CNTNAP2: variants seen among roughly 807,000 people sequenced by gnomAD.
CNTNAP2 encodes contactin associated protein 2, also known as contactin-associated protein-like 2.
In CNTNAP2, 98 loss-of-function variants were observed where a neutral mutation model predicts 155.2. The observed-to-expected ratio is 0.63, with a 90% CI of 0.54 to 0.75. The LOEUF (loss-of-function observed/expected upper bound fraction) is 0.75. CNTNAP2 is among the 30% of genes least tolerant of loss of function. CNTNAP2 has a pLI of 0.00. For missense variants in CNTNAP2, 1,727 were observed against 1,688.1 expected, an observed-to-expected ratio of 1.02 and a Z score of -0.40; for synonymous variants, 651 against 631.2, an observed-to-expected ratio of 1.03 and a Z score of -0.47.
chr7:148,002,643 G>GA (rs886705870), intron 15 of CNTNAP2, among the ~76,000 whole-genome samples: 1 of 152,064 alleles, frequency 6.6e-6, no homozygotes, highest in African/African-American at 2.4e-5. Flanking sequence ...TTTTTTGGAG[G>GA]AAAAAATAAT....
chr7:146,602,224 T>C (rs1343388131), intron 1 of CNTNAP2, among the ~76,000 whole-genome samples: 1 of 152,140 alleles, frequency 6.6e-6, no homozygotes, highest in East Asian at 1.9e-4. Flanking sequence ...GAGGGAAATG[T>C]GGCTATGATC....
intron 17 of CNTNAP2, among the ~76,000 whole-genome samples, chr7:148,166,903 T>C (rs754162360): frequency 2.1e-4 from 32 of 152,050 alleles, no homozygotes; most frequent in Admixed American, 6.5e-4. Flanking sequence ...TTTCACTGAT[T>C]CTAGTGCATT....
At chr7:146,737,952 G>A (rs1202074721) in intron 1 of CNTNAP2, among the ~76,000 whole-genome samples, 1 of 152,000 alleles carries the variant, frequency 6.6e-6, no homozygotes, top group Non-Finnish European at 1.5e-5. Flanking sequence ...CAATATCTTA[G>A]CTATTGTGAA....
chr7:147,348,785 A>G (rs1180427403), intron 9 of CNTNAP2, among the ~76,000 whole-genome samples: 1 of 152,048 alleles, frequency 6.6e-6, no homozygotes, highest in African/African-American at 2.4e-5. Flanking sequence ...AATGCGGTAT[A>G]TATACACAAT....
At chr7:146,173,847 A>C (rs1798429872) in intron 1 of CNTNAP2, among the ~76,000 whole-genome samples, 1 of 152,176 alleles carries the variant, frequency 6.6e-6, no homozygotes, top group Non-Finnish European at 1.5e-5. Context: ...ATGTGGATAA[A>C]AGTGTGCTCA....
At chr7:146,721,889 A>ATATATTTTTTTTTTTTTTTT in intron 1 of CNTNAP2, among the ~76,000 whole-genome samples, 1 of 69,738 alleles carries the variant, frequency 1.4e-5, no homozygotes, top group African/African-American at 1.9e-4. Flanking sequence ...ATATATATAT[A>ATATATTTTTTTTTTTTTTTT]TTTTTTTTTT....
chr7:147,973,365 T>G (rs1021205052), intron 14 of CNTNAP2, among the ~76,000 whole-genome samples: 1 of 152,092 alleles, frequency 6.6e-6, no homozygotes, highest in Non-Finnish European at 1.5e-5. Context: ...CAAGGAGGCA[T>G]CTTTATACTA....
chr7:146,614,023 G>A (rs1375559246), intron 1 of CNTNAP2, among the ~76,000 whole-genome samples: 1 of 151,998 alleles, frequency 6.6e-6, no homozygotes, highest in Non-Finnish European at 1.5e-5. Context: ...TTATCATCAA[G>A]GAATACTACT....
intron 1 of CNTNAP2, among the ~76,000 whole-genome samples, chr7:146,744,821 A>G (rs557087825): frequency 6.6e-6 from 1 of 152,326 alleles, no homozygotes; most frequent in South Asian, 2.1e-4. Context: ...TTTCCACAAA[A>G]AAAACACAAA....
chr7:146,569,326 G>A (rs1320783889), intron 1 of CNTNAP2, among the ~76,000 whole-genome samples: 1 of 152,112 alleles, frequency 6.6e-6, no homozygotes, highest in Non-Finnish European at 1.5e-5. Context: ...GCCTCTCTGT[G>A]GTTACTTCTA....
chr7:147,601,976 G>GT (rs924479441), intron 12 of CNTNAP2, among the ~76,000 whole-genome samples: 1 of 151,958 alleles, frequency 6.6e-6, no homozygotes, highest in African/African-American at 2.4e-5. Context: ...TATCTTCCCA[G>GT]TGGTATGGTC....
chr7:146,357,399 A>C (rs1795015009), intron 1 of CNTNAP2, among the ~76,000 whole-genome samples: 1 of 152,162 alleles, frequency 6.6e-6, no homozygotes, highest in Non-Finnish European at 1.5e-5. Context: ...ATCTGTAATC[A>C]TGAATCATAT....
intron 8 of CNTNAP2, among the ~76,000 whole-genome samples, chr7:147,192,200 G>A (rs377669782): frequency 7.2e-5 from 11 of 152,242 alleles, no homozygotes; most frequent in South Asian, 4.1e-4. Context: ...TATTCAAGCT[G>A]TTACAGCTTT....
chr7:146,191,948 G>A (rs538201170), intron 1 of CNTNAP2, among the ~76,000 whole-genome samples: 2 of 152,266 alleles, frequency 1.3e-5, no homozygotes, highest in South Asian at 2.1e-4. Context: ...AGCTTACGAA[G>A]ATGACAGGAT....
At chr7:146,563,931 C>G (rs1220537548) in intron 1 of CNTNAP2, among the ~76,000 whole-genome samples, 1 of 152,106 alleles carries the variant, frequency 6.6e-6, no homozygotes, top group Non-Finnish European at 1.5e-5. Flanking sequence ...GGTGATCTTG[C>G]CTTACAACAT....
chr7:147,481,058 G>A (rs995308970), intron 10 of CNTNAP2, among the ~76,000 whole-genome samples: 2 of 152,148 alleles, frequency 1.3e-5, no homozygotes. Context: ...ATATTTCCAT[G>A]TGGATTTCTG....
At chr7:147,207,452 T>C (rs1478285707) in intron 8 of CNTNAP2, among the ~76,000 whole-genome samples, 1 of 152,122 alleles carries the variant, frequency 6.6e-6, no homozygotes, top group East Asian at 1.9e-4. Context: ...GAAAATGTAG[T>C]TCATAAAGCA....
intron 20 of CNTNAP2, among the ~76,000 whole-genome samples, chr7:148,248,349 G>A (rs999609699): frequency 1.3e-5 from 2 of 151,870 alleles, no homozygotes; most frequent in African/African-American, 4.8e-5. Context: ...CAGGCACATG[G>A]CACTACACCC....
chr7:146,818,104 T>C (rs1002876470), intron 2 of CNTNAP2, among the ~76,000 whole-genome samples: 5 of 152,184 alleles, frequency 3.3e-5, no homozygotes, highest in African/African-American at 1.2e-4. Context: ...ATAGTGTTTT[T>C]TCTCAAATTT....
Sources: allele counts gnomAD v4.1 joint callset (sites outside exome capture counted in the v4.1 genomes callset), GRCh38; gene constraint gnomAD v4.1.1; transcripts MANE v1.5; gene names NCBI Gene and HGNC (gene_info 2026-07-23, HGNC 2026-07-21).